The following MTSS1 variants were observed in gnomAD, a reference collection of about 807,000 sequenced individuals.
MTSS1 encodes the protein protein MTSS 1.
A neutral mutation model predicts 79.0 loss-of-function variants in MTSS1; 18 were observed. The ratio of observed to expected loss-of-function variants is 0.23; its 90% CI spans 0.16 to 0.34. The LOEUF (loss-of-function observed/expected upper bound fraction) is 0.34, where lower values mean the gene tolerates loss of function less well. MTSS1 is among the 10% of genes least tolerant of loss of function. The pLI, the probability that MTSS1 is intolerant of heterozygous loss-of-function variation, is 1.00. For missense variants in MTSS1, 815 were observed against 986.2 expected (o/e 0.83, Z 2.33); for synonymous variants, 341 against 368.6 (o/e 0.93, Z 0.86).
chr8:124,589,474 C>T lies in MTSS1; in HGVS notation c.385+146G>A, dbSNP rs141156070. 1,260 of 583,040 alleles carry T rather than the reference C, an allele frequency of 2.2e-3. 11 individuals are homozygous for T. In the African/African-American group the frequency reaches 0.023, roughly 10 times the overall value. 36.1% of individuals were successfully genotyped at this position (583,040 alleles called of 1,614,324 possible). A position where few individuals can be genotyped will look rare whatever the true frequency, so the allele number is the denominator to read the frequency against. The stretch of plus-strand genomic sequence containing the variant: ...TGTTCTCCTCATCCCCTGACACGGA[C>T]GTGCCTACAGGAGAGTAGGGACAGA... On this transcript the variant is annotated intron_variant, in intron 5 of 13. Transcript: ENST00000518547.
chr8:124,676,625 A>C (rs1825336251), intron 3 of MTSS1, among the ~76,000 whole-genome samples: 1 of 152,262 alleles, frequency 6.6e-6, no homozygotes, highest in South Asian at 2.1e-4. Context: ...CACTGCTTCC[A>C]AGACAACTTC....
rs560339506 is a variant in MTSS1 at position 124,682,974 on chromosome 8, G to A, written c.208+16552C>T. Among the ~76,000 whole-genome samples, 3 of 152,258 alleles carry A rather than the reference G, an allele frequency of 2.0e-5. No individual in the cohort carries two copies. In the East Asian group the frequency reaches 5.8e-4, roughly 29 times the overall value. ...AACCATTTTGTCTTGCTTTTTGAAA[G>A]CTGACAAATGGTCATCCCAGCCCTT... is the stretch of plus-strand genomic sequence containing the variant. On this transcript the variant is annotated intron_variant, in intron 3 of 13. Coordinates refer to ENST00000518547, the MANE Select transcript of MTSS1 (RefSeq NM_014751.6).
At chr8:124,575,459 G>A (rs1472597926) in intron 6 of MTSS1, among the ~76,000 whole-genome samples, 2 of 152,164 alleles carry the variant, frequency 1.3e-5, no homozygotes, top group African/African-American at 2.4e-5. Context: ...CGCCCGGCAC[G>A]TGCTGAGCAC....
intron 3 of MTSS1, among the ~76,000 whole-genome samples, chr8:124,670,889 C>T (rs1471866618): frequency 6.6e-6 from 1 of 152,164 alleles, no homozygotes; most frequent in Non-Finnish European, 1.5e-5. Flanking sequence ...GCTTAAGATA[C>T]AGAGCCCAGG....
At chr8:124,655,099 G>T (rs762779264) in intron 3 of MTSS1, among the ~76,000 whole-genome samples, 1 of 152,318 alleles carries the variant, frequency 6.6e-6, no homozygotes, top group East Asian at 1.9e-4. Context: ...AGCAGAACAC[G>T]GATTGGAAAA....
At position 124,676,396 on chromosome 8, in the gene MTSS1, GA is replaced by G. The variant is rs151174898; in HGVS notation, c.208+23129del. On this transcript the variant is annotated intron_variant, in intron 3 of 13. Transcript: ENST00000518547. The stretch of plus-strand genomic sequence containing the variant: ...TCTTTGCCATCTAATTTAGTGACCA[GA>G]ACACTCAGACCTTTCTTTGAACAGA... 5.1e-3 allele frequency among the ~76,000 whole-genome samples: 780 copies of G among 152,312 alleles called. 14 individuals are homozygous for G. The highest frequency in any genetic ancestry group is 0.018 in the African/African-American group (739 of 41,554).
chr8:124,611,791 T>C (rs1196403044), intron 3 of MTSS1, among the ~76,000 whole-genome samples: 1 of 152,164 alleles, frequency 6.6e-6, no homozygotes, highest in African/African-American at 2.4e-5. Context: ...ATGTCTACCA[T>C]CCCAAAAGAA....
At chr8:124,604,290 A>T (rs1369579542) in intron 3 of MTSS1, among the ~76,000 whole-genome samples, 2 of 152,186 alleles carry the variant, frequency 1.3e-5, no homozygotes. Context: ...GTTGGGCCAC[A>T]TTCAAAACCA....
chr8:124,692,837 C>T (rs1050592943), intron 3 of MTSS1, among the ~76,000 whole-genome samples: 3 of 152,094 alleles, frequency 2.0e-5, no homozygotes, highest in Non-Finnish European at 2.9e-5. Context: ...TGCACGCAGT[C>T]GTTCATTCAG....
chr8:124,606,561 G>A (rs1246514272), intron 3 of MTSS1, among the ~76,000 whole-genome samples: 1 of 152,130 alleles, frequency 6.6e-6, no homozygotes, highest in African/African-American at 2.4e-5. Context: ...GGGCTGAGTC[G>A]ATAGCTAGAA....
rs78787886 is a variant in MTSS1 at position 124,682,169 on chromosome 8, C to T, written c.208+17357G>A. On this transcript the variant is annotated intron_variant, in intron 3 of 13. Coordinates refer to ENST00000518547, the MANE Select transcript of MTSS1 (RefSeq NM_014751.6). ...AACTCTAACAACAGGGTAGCCCTCA[C>T]GCCAGAATAATTTACCATCTTTTCC... is the stretch of plus-strand genomic sequence containing the variant. Among the ~76,000 whole-genome samples, 429 of 152,346 alleles carry T rather than the reference C, an allele frequency of 2.8e-3. 2 individuals are homozygous for T. The highest frequency in any genetic ancestry group is 9.8e-3 in the African/African-American group (406 of 41,572).
intron 3 of MTSS1, among the ~76,000 whole-genome samples, chr8:124,598,412 A>G (rs1401217006): frequency 1.3e-5 from 2 of 152,200 alleles, no homozygotes; most frequent in African/African-American, 4.8e-5. Flanking sequence ...AGTCATGACA[A>G]CTAGAAATGT....
In MTSS1 at chr8:124,552,079, C is replaced by T. The variant is rs1186586413; in HGVS notation, c.*913G>A. The T allele has an allele frequency of 6.6e-6, 1 of 152,628 alleles. No individual in the cohort carries two copies. Among genetic ancestry groups the T allele is most frequent in the East Asian group, 1.9e-4 (1 of 5,204 alleles). 9.5% of individuals were successfully genotyped at this position (152,628 alleles called of 1,614,324 possible). On this transcript the variant is annotated 3_prime_UTR_variant, in exon 14 of 14. Coordinates refer to ENST00000518547, the MANE Select transcript of MTSS1 (RefSeq NM_014751.6). ...TTTAAATGTTTTCACATTTTTAAAACTGCCTTACCCTTTTGGATGTATTTG... is the reference window on the plus strand; with the variant it reads ...TTTAAATGTTTTCACATTTTTAAAATTGCCTTACCCTTTTGGATGTATTTG...
intron 12 of MTSS1, 62 bp from the exon 13 acceptor site, chr8:124,555,966 G>T (rs777074622): frequency 2.5e-6 from 4 of 1,585,714 alleles, no homozygotes; most frequent in East Asian, 2.3e-5. Flanking sequence ...CAGCACTCCT[G>T]TTCTGCCCCC....
chr8:124,705,687 T>C lies in MTSS1; in HGVS notation c.73-1496A>G, dbSNP rs139508844. On this transcript the variant is annotated intron_variant, in intron 1 of 13. Coordinates refer to ENST00000518547, the MANE Select transcript of MTSS1 (RefSeq NM_014751.6). ...TGACAGAAGCCCAATTAAAACTGTC[T>C]AAAACTGCAACCCAGCTAAAACATT... 1.9e-3 allele frequency among the ~76,000 whole-genome samples: 290 copies of C among 152,312 alleles called. 6 individuals carry two copies. The East Asian group carries it at 0.037, about 19-fold the overall frequency.
At chr8:124,721,559 G>A (rs12547578) in intron 1 of MTSS1, among the ~76,000 whole-genome samples, 102,549 of 151,702 alleles carry the variant, frequency 0.68, 35,170 homozygotes, top group Admixed American at 0.77. Context: ...AGAGGTGTGC[G>A]TGATCACGCT....
intron 6 of MTSS1, among the ~76,000 whole-genome samples, chr8:124,584,505 C>A (rs1830518838): frequency 6.6e-6 from 1 of 152,172 alleles, no homozygotes; most frequent in Non-Finnish European, 1.5e-5. Context: ...GGTCAAAGAT[C>A]TGACGATTCA....
intron 3 of MTSS1, among the ~76,000 whole-genome samples, chr8:124,679,768 G>A (rs554251414): frequency 3.9e-5 from 6 of 152,258 alleles, no homozygotes; most frequent in African/African-American, 1.4e-4. Flanking sequence ...ATAGTATATG[G>A]GAATCTCAAA....
chr8:124,684,251 A>G (rs756955749), intron 3 of MTSS1, among the ~76,000 whole-genome samples: 3 of 152,242 alleles, frequency 2.0e-5, no homozygotes, highest in Admixed American at 1.3e-4. Flanking sequence ...GGTTACTGGC[A>G]TGAGGAAATG....
Sources: gnomAD v4.1 joint callset for allele counts (sites outside exome capture counted in the v4.1 genomes callset) on GRCh38, gnomAD v4.1.1 for gene constraint, MANE v1.5 for transcripts, NCBI Gene and HGNC (gene_info 2026-07-23, HGNC 2026-07-21) for gene names.